The following NEK11 variants were observed in gnomAD, a reference collection of about 807,000 sequenced individuals.
NEK11 encodes the protein NIMA related kinase 11.
In NEK11, 72 loss-of-function variants were observed where a neutral mutation model predicts 80.7. That is an observed-to-expected ratio of 0.89 (90% confidence interval 0.74 to 1.08). NEK11 has a LOEUF of 1.08. Among genes scored for constraint, NEK11 ranks in the 50% least tolerant of loss-of-function variants. NEK11 has a pLI of 0.00. For missense variants in NEK11, 764 were observed against 763.6 expected (o/e 1.00, Z -0.01); for synonymous variants, 251 against 260.7 (o/e 0.96, Z 0.36).
chr3:131,193,569 A>G (rs114009415), intron 14 of NEK11, among the ~76,000 whole-genome samples: 2,014 of 152,284 alleles, frequency 0.013, 40 homozygotes, highest in African/African-American at 0.045. Context: ...TAAATAGGGT[A>G]TGTAAGGTAA....
At chr3:131,133,277 C>T in intron 6 of NEK11, 1 of 455,446 alleles carries the variant, frequency 2.2e-6, no homozygotes, top group South Asian at 1.6e-5. Flanking sequence ...CTCATAACAG[C>T]TACTGGATCA....
At chr3:131,182,162 A>T (rs993374084) in intron 14 of NEK11, among the ~76,000 whole-genome samples, 3 of 151,926 alleles carry the variant, frequency 2.0e-5, no homozygotes, top group African/African-American at 7.2e-5. Context: ...AAGAAAAGAA[A>T]AAAGAACTTT....
At chr3:131,093,019 C>G (rs1429375112) in intron 4 of NEK11, 1 of 152,192 alleles carries the variant, frequency 6.6e-6, no homozygotes, top group Non-Finnish European at 1.5e-5. Context: ...CTGTTAGAAT[C>G]TCTAATCCAC....
At chr3:131,156,936 T>C (rs1241907939) in intron 10 of NEK11, among the ~76,000 whole-genome samples, 1 of 149,674 alleles carries the variant, frequency 6.7e-6, no homozygotes, top group African/African-American at 2.5e-5. Flanking sequence ...GAAGAGGCTG[T>C]GAGCATTCCA....
intron 5 of NEK11, among the ~76,000 whole-genome samples, chr3:131,116,822 T>A (rs1355757096): frequency 1.3e-5 from 2 of 152,214 alleles, no homozygotes; most frequent in African/African-American, 4.8e-5. Flanking sequence ...TTGATGGGGT[T>A]GTTTGATTTT....
chr3:131,157,409 G>T (rs562258920), intron 10 of NEK11, among the ~76,000 whole-genome samples: 6 of 152,074 alleles, frequency 3.9e-5, no homozygotes, highest in Non-Finnish European at 8.8e-5. Context: ...CAGTCTGGGC[G>T]GTGGGAAAAA....
Position 131,260,412 on chromosome 3 carries a change from G to GAATC in NEK11, c.1622-13064_1622-13061dup, listed in dbSNP as rs540603699. Among the ~76,000 whole-genome samples, 305 of 152,206 alleles carry GAATC rather than the reference G, an allele frequency of 2.0e-3. 1 individual carries two copies. The highest frequency in any genetic ancestry group is 7.1e-3 in the African/African-American group (295 of 41,542). On this transcript the variant is annotated intron_variant, in intron 16 of 17. Transcript: ENST00000383366. The stretch of plus-strand genomic sequence containing the variant: ...GTGTTCTAGGGTCACATCCAGCTCA[G>GAATC]AATCATGATGAATCTCTATCATTTA...
intron 4 of NEK11, among the ~76,000 whole-genome samples, chr3:131,102,410 G>A (rs1330758126): frequency 1.3e-5 from 2 of 152,070 alleles, no homozygotes; most frequent in Non-Finnish European, 2.9e-5. Flanking sequence ...TTCTGAGAAG[G>A]GTTTTATTTC....
At chr3:131,286,070 C>G (rs1448698475) in intron 17 of NEK11, among the ~76,000 whole-genome samples, 2 of 152,210 alleles carry the variant, frequency 1.3e-5, no homozygotes, top group African/African-American at 4.8e-5. Context: ...CCCTTCTACC[C>G]CTCTTTCTTG....
intron 17 of NEK11, among the ~76,000 whole-genome samples, chr3:131,283,218 T>A (rs1039548757): frequency 6.6e-6 from 1 of 152,210 alleles, no homozygotes; most frequent in East Asian, 1.9e-4. Context: ...TGCTAAAGTC[T>A]AGATCTCATC....
chr3:131,313,006 C>T (rs2109461297), intron 17 of NEK11, among the ~76,000 whole-genome samples: 1 of 152,166 alleles, frequency 6.6e-6, no homozygotes, highest in South Asian at 2.1e-4. Flanking sequence ...GCCCCAGCGT[C>T]TGTTGTTCCC....
chr3:131,086,871 A>T (rs1288615014), intron 4 of NEK11, among the ~76,000 whole-genome samples: 3 of 152,202 alleles, frequency 2.0e-5, no homozygotes, highest in African/African-American at 4.8e-5. Flanking sequence ...TCAATGGAAG[A>T]CTAGATAAGG....
intron 14 of NEK11, among the ~76,000 whole-genome samples, chr3:131,221,878 C>T (rs2095037888): frequency 6.6e-6 from 1 of 152,134 alleles, no homozygotes. Context: ...CCATTCCAGA[C>T]CTACTGAATC....
chr3:131,205,794 C>A (rs1215351730), intron 14 of NEK11, among the ~76,000 whole-genome samples: 1 of 152,148 alleles, frequency 6.6e-6, no homozygotes, highest in African/African-American at 2.4e-5. Flanking sequence ...TACAAAAATT[C>A]TCATCTCAAG....
chr3:131,104,335 C>T (rs2078848228), intron 4 of NEK11, among the ~76,000 whole-genome samples: 1 of 152,096 alleles, frequency 6.6e-6, no homozygotes, highest in Non-Finnish European at 1.5e-5. Context: ...AGCTGGAAGG[C>T]CGTGCCCAAT....
At chr3:131,242,432 C>T (rs562991946) in intron 15 of NEK11, among the ~76,000 whole-genome samples, 12 of 152,294 alleles carry the variant, frequency 7.9e-5, no homozygotes, top group Admixed American at 3.3e-4. Context: ...GTTACTCTCT[C>T]AGGCCACTTA....
chr3:131,338,174 C>G (rs552982276), intron 17 of NEK11, among the ~76,000 whole-genome samples: 4 of 151,614 alleles, frequency 2.6e-5, no homozygotes, highest in Admixed American at 6.6e-5. Context: ...ACCATATTGG[C>G]CAGGATGGTC....
intron 16 of NEK11, among the ~76,000 whole-genome samples, chr3:131,265,773 A>G (rs776481353): frequency 1.2e-4 from 18 of 152,172 alleles, no homozygotes; most frequent in Admixed American, 3.9e-4. Context: ...CGTTTGGAAT[A>G]CTTTCAGAAG....
Position 131,171,501 on chromosome 3 carries a change from G to C in NEK11, c.1399+614G>C, listed in dbSNP as rs538075899. On this transcript the variant is annotated intron_variant, in intron 14 of 17. Coordinates refer to ENST00000383366, the MANE Select transcript of NEK11 (RefSeq NM_024800.5). ...GGAGCAGATACATGCAAATGGAGTA[G>C]GTACATCATAAGCTAATGGTTAAAT... is the stretch of plus-strand genomic sequence containing the variant. Among the ~76,000 whole-genome samples, 11 of 152,244 alleles carry C rather than the reference G, an allele frequency of 7.2e-5. No individual in the cohort carries two copies. In the South Asian group the frequency reaches 2.1e-3, roughly 29 times the overall value.
Sources: gnomAD v4.1 joint callset for allele counts (sites outside exome capture counted in the v4.1 genomes callset) on GRCh38, gnomAD v4.1.1 for gene constraint, MANE v1.5 for transcripts, NCBI Gene and HGNC (gene_info 2026-07-23, HGNC 2026-07-21) for gene names.